LSAMP: variants seen among roughly 807,000 people sequenced by gnomAD.
LSAMP encodes limbic system-associated membrane protein.
A neutral mutation model predicts 38.6 loss-of-function variants in LSAMP; 7 were observed. The observed-to-expected ratio is 0.18, with a 90% CI of 0.10 to 0.34. The LOEUF (loss-of-function observed/expected upper bound fraction) is 0.34, where lower values mean the gene tolerates loss of function less well. Ranked by LOEUF, LSAMP falls within the 10% of genes least tolerant of loss-of-function variation. LSAMP has a pLI of 1.00. For synonymous variants in LSAMP, 154 were observed against 166.8 expected (o/e 0.92, Z 0.59); for missense variants, 313 against 420.0 (o/e 0.75, Z 2.23).
At chr3:115,824,679 CA>C (rs920104234) in intron 6 of LSAMP, among the ~76,000 whole-genome samples, 1 of 149,982 alleles carries the variant, frequency 6.7e-6, no homozygotes, top group Non-Finnish European at 1.5e-5. Context: ...CATTGCACTC[CA>C]GCCTGGGTGA....
At chr3:116,264,024 G>A (rs931768822) in intron 1 of LSAMP, among the ~76,000 whole-genome samples, 1 of 152,158 alleles carries the variant, frequency 6.6e-6, no homozygotes, top group African/African-American at 2.4e-5. Flanking sequence ...TTCCAAACAG[G>A]ATGGCAATAA....
At chr3:116,017,598 T>C (rs1330712024) in intron 3 of LSAMP, among the ~76,000 whole-genome samples, 2 of 152,054 alleles carry the variant, frequency 1.3e-5, no homozygotes, top group African/African-American at 4.8e-5. Flanking sequence ...TGTATAATAA[T>C]TTATATATTT....
intron 1 of LSAMP, among the ~76,000 whole-genome samples, chr3:116,138,823 C>CTT (rs36060209): frequency 6.5e-4 from 95 of 146,760 alleles, no homozygotes; most frequent in Middle Eastern, 3.5e-3. Context: ...CGTAAATTGA[C>CTT]TTTTTTTTTT....
At chr3:115,988,454 T>G (rs1377193261) in intron 3 of LSAMP, among the ~76,000 whole-genome samples, 2 of 152,058 alleles carry the variant, frequency 1.3e-5, no homozygotes. Flanking sequence ...AAGTGTTTTT[T>G]GTTTGTTTGT....
intron 3 of LSAMP, among the ~76,000 whole-genome samples, chr3:115,854,411 T>A (rs1310316150): frequency 6.7e-6 from 1 of 150,222 alleles, no homozygotes; most frequent in Non-Finnish European, 1.5e-5. Context: ...GCCTCCCGAG[T>A]AGCTGGGACT....
chr3:116,255,153 C>A (rs546816833), intron 1 of LSAMP, among the ~76,000 whole-genome samples: 4 of 152,120 alleles, frequency 2.6e-5, no homozygotes, highest in African/African-American at 7.2e-5. Context: ...CACCCATCAC[C>A]ATCAGTAGTG....
At chr3:115,991,146 G>GA (rs1491239743) in intron 3 of LSAMP, among the ~76,000 whole-genome samples, 4 of 151,724 alleles carry the variant, frequency 2.6e-5, no homozygotes, top group Non-Finnish European at 5.9e-5. Context: ...TACTTCCTTG[G>GA]AAAAAAAGAA....
intron 3 of LSAMP, among the ~76,000 whole-genome samples, chr3:115,898,267 G>A (rs1337879845): frequency 6.6e-6 from 1 of 152,068 alleles, no homozygotes; most frequent in Non-Finnish European, 1.5e-5. Context: ...AACTGTAGGA[G>A]TTCCTAAAAC....
intron 6 of LSAMP, among the ~76,000 whole-genome samples, chr3:115,834,173 C>G (rs576596552): frequency 7.2e-5 from 11 of 152,112 alleles, no homozygotes; most frequent in Non-Finnish European, 1.6e-4. Flanking sequence ...CAGATTCAGA[C>G]TGTATAAACT....
rs185774385 is a variant in LSAMP at position 116,185,084 on chromosome 3, T to C, written c.156-98528A>G. On this transcript the variant is annotated intron_variant, in intron 1 of 6. Transcript: ENST00000490035. ...TTGGCACAGTTTCCTTTCCTGGAGA[T>C]TAATAGCTGGGTGATAGATTTCTTC... is the stretch of plus-strand genomic sequence containing the variant. 3.3e-5 allele frequency among the ~76,000 whole-genome samples: 5 copies of C among 150,582 alleles called. No homozygotes were observed. The East Asian group carries it at 7.8e-4, about 23-fold the overall frequency.
At chr3:116,167,111 A>T (rs1439258733) in intron 1 of LSAMP, among the ~76,000 whole-genome samples, 1 of 152,010 alleles carries the variant, frequency 6.6e-6, no homozygotes, top group African/African-American at 2.4e-5. Context: ...TAATTTTTTT[A>T]AATTTTAATA....
chr3:116,071,633 T>C (rs1707608429), intron 2 of LSAMP, among the ~76,000 whole-genome samples: 2 of 152,198 alleles, frequency 1.3e-5, no homozygotes, highest in African/African-American at 4.8e-5. Context: ...ACTGGCAGGA[T>C]GTGCAGTTTT....
In LSAMP at chr3:115,899,540, A is replaced by T. The variant is rs562733190; in HGVS notation, c.515-46923T>A. Among the ~76,000 whole-genome samples the T allele has an allele frequency of 2.6e-5, 4 of 152,280 alleles. No homozygotes were observed. The East Asian group carries it at 7.7e-4, about 29-fold the overall frequency. ...ACATAACTGCCTGATGCCTATTTTT[A>T]AACCATGTCCTTGGAACACAATGAG... On this transcript the variant is annotated intron_variant, in intron 3 of 6. Transcript: ENST00000490035.
chr3:116,080,658 G>A (rs1034087149), intron 2 of LSAMP, among the ~76,000 whole-genome samples: 21 of 152,188 alleles, frequency 1.4e-4, no homozygotes, highest in Non-Finnish European at 1.3e-4. Flanking sequence ...GAATAGTGAA[G>A]TCTTTCAAGT....
intron 1 of LSAMP, among the ~76,000 whole-genome samples, chr3:116,424,430 G>A (rs547446225): frequency 2.6e-5 from 4 of 152,132 alleles, no homozygotes; most frequent in East Asian, 1.9e-4. Context: ...TTCCATAGTC[G>A]TACCTTCTCC....
At chr3:115,829,203 G>A (rs895098488) in intron 6 of LSAMP, among the ~76,000 whole-genome samples, 1 of 152,100 alleles carries the variant, frequency 6.6e-6, no homozygotes. Flanking sequence ...GTAAAGAGGT[G>A]GGGGAGATAA....
intron 3 of LSAMP, among the ~76,000 whole-genome samples, chr3:116,004,717 A>T (rs1281652431): frequency 6.6e-6 from 1 of 152,048 alleles, no homozygotes; most frequent in East Asian, 1.9e-4. Flanking sequence ...TTGATTTCTT[A>T]TGAAAGGTCA....
At chr3:116,057,080 CTCT>C (rs1559725718) in intron 2 of LSAMP, among the ~76,000 whole-genome samples, 1 of 152,122 alleles carries the variant, frequency 6.6e-6, no homozygotes, top group African/African-American at 2.4e-5. Flanking sequence ...CTGCTGTGAC[CTCT>C]TCTTAACAGC....
chr3:116,354,141 T>C (rs1411552835), intron 1 of LSAMP, among the ~76,000 whole-genome samples: 1 of 152,180 alleles, frequency 6.6e-6, no homozygotes, highest in East Asian at 1.9e-4. Context: ...TGTTAGCTAA[T>C]AGAATAGTTG....
Sources: allele counts gnomAD v4.1 joint callset (sites outside exome capture counted in the v4.1 genomes callset), GRCh38; gene constraint gnomAD v4.1.1; transcripts MANE v1.5; gene names NCBI Gene and HGNC (gene_info 2026-07-23, HGNC 2026-07-21).